Variants in CHL1 observed in about 807,000 individuals in gnomAD.
CHL1 encodes cell adhesion molecule L1 like, also known as neural cell adhesion molecule L1-like protein.
CHL1 carries 96 observed loss-of-function variants against 141.9 expected under a neutral mutation model. The observed-to-expected ratio is 0.68, with a 90% CI of 0.57 to 0.80. The LOEUF (loss-of-function observed/expected upper bound fraction) is 0.80, where lower values mean the gene tolerates loss of function less well. Among genes scored for constraint, CHL1 ranks in the 30% least tolerant of loss-of-function variants. The pLI is 0.00. For synonymous variants in CHL1, 613 were observed against 502.2 expected, an observed-to-expected ratio of 1.22 and a Z score of -2.95; for missense variants, 1,820 against 1,457.2, an observed-to-expected ratio of 1.25 and a Z score of -4.05.
chr3:396,853 G>GA (rs1038596345), intron 24 of CHL1, among the ~76,000 whole-genome samples: 3 of 151,988 alleles, frequency 2.0e-5, no homozygotes, highest in Admixed American at 6.5e-5. Context: ...CATGATCTTT[G>GA]AAAAAAATAT....
At chr3:232,902 C>A (rs1234437047) in intron 1 of CHL1, among the ~76,000 whole-genome samples, 3 of 152,134 alleles carry the variant, frequency 2.0e-5, no homozygotes, top group Non-Finnish European at 4.4e-5. Flanking sequence ...TACTCAAAGA[C>A]CTTTTTATAA....
intron 2 of CHL1, among the ~76,000 whole-genome samples, chr3:301,982 C>G (rs190342652): frequency 1.1e-4 from 16 of 152,110 alleles, no homozygotes; most frequent in Non-Finnish European, 2.4e-4. Context: ...CCCACTTATG[C>G]GTGAGAATAT....
intron 11 of CHL1, among the ~76,000 whole-genome samples, chr3:358,380 T>C (rs1166236634): frequency 6.6e-6 from 1 of 152,178 alleles, no homozygotes; most frequent in Admixed American, 6.6e-5. Context: ...TGTGATTACA[T>C]TGAGCCCACT....
intron 16 of CHL1, among the ~76,000 whole-genome samples, chr3:380,925 C>T (rs1575229933): frequency 6.6e-6 from 1 of 152,110 alleles, no homozygotes; most frequent in Non-Finnish European, 1.5e-5. Flanking sequence ...AAAATATGAC[C>T]CCTATTCTTG....
intron 16 of CHL1, 57 bp downstream of exon 16, chr3:377,999 ATCGT>A (rs1401233857): frequency 6.8e-7 from 1 of 1,473,682 alleles, no homozygotes; most frequent in East Asian, 2.4e-5. Context: ...ATTAAATCCC[ATCGT>A]TCCTGGCCAA....
chr3:398,895 G>A (rs1450079922), intron 25 of CHL1, 122 bp from the exon 26 acceptor site: 5 of 800,326 alleles, frequency 6.2e-6, no homozygotes, highest in Non-Finnish European at 1.0e-5. Flanking sequence ...TTCCTTCTGG[G>A]GTCATTAAAA....
intron 2 of CHL1, among the ~76,000 whole-genome samples, chr3:303,415 T>C (rs1559224468): frequency 6.6e-6 from 1 of 152,194 alleles, no homozygotes; most frequent in African/African-American, 2.4e-5. Flanking sequence ...CTTGTTTCCT[T>C]GAGCAGTGGT....
At chr3:294,826 A>G (rs376227427) in intron 2 of CHL1, among the ~76,000 whole-genome samples, 12 of 152,338 alleles carry the variant, frequency 7.9e-5, no homozygotes, top group South Asian at 4.1e-4. Flanking sequence ...CACCAGTGAG[A>G]ATGCATGGCA....
intron 2 of CHL1, among the ~76,000 whole-genome samples, chr3:283,897 T>A (rs547056152): frequency 5.3e-5 from 8 of 152,354 alleles, no homozygotes; most frequent in Non-Finnish European, 1.2e-4. Flanking sequence ...TCACAGTATG[T>A]ATGATTAAAA....
chr3:407,754 A>G lies in CHL1; in HGVS notation c.*2043A>G, dbSNP rs1253644073. The G allele has an allele frequency of 5.9e-5, 9 of 152,160 alleles. No individual in the cohort carries two copies. The highest frequency in any genetic ancestry group is 5.9e-4 in the Admixed American group (9 of 15,258). 9.4% of individuals were successfully genotyped at this position (152,160 alleles called of 1,614,324 possible). A position where few individuals can be genotyped will look rare whatever the true frequency, so the allele number is the denominator to read the frequency against. On this transcript the variant is annotated 3_prime_UTR_variant, in exon 28 of 28. Transcript: ENST00000256509. Reference sequence around the variant, plus strand: ...TTTTAAAGAGAGTCATGCAGGTTAGAAATAATGTCAAAAATATTTAGGAAT... The same window carrying G: ...TTTTAAAGAGAGTCATGCAGGTTAGGAATAATGTCAAAAATATTTAGGAAT...
chr3:342,470 T>C (rs960602024), intron 7 of CHL1, among the ~76,000 whole-genome samples: 3 of 152,098 alleles, frequency 2.0e-5, no homozygotes, highest in African/African-American at 7.2e-5. Context: ...AGATGGAAAT[T>C]TGTATCACCA....
rs140090602 is a variant in CHL1, at chr3:391,685, G to A, written c.2802G>A (p.Gln934=). The A allele has an allele frequency of 1.9e-6, 3 of 1,603,242 alleles. No homozygotes were observed. Among genetic ancestry groups the A allele is most frequent in the African/African-American group, 2.7e-5 (2 of 74,348 alleles). The change falls in exon 23 of 28, where the codon CAG becomes CAA. Residue 934 remains glutamine (Q), a synonymous_variant. Coordinates refer to ENST00000256509, the MANE Select transcript of CHL1 (RefSeq NM_006614.4). ...IFQTPEGVPE[Q]PTFLKVIKVD... ...TCTTGTGTTTTCTAGTACCTGAACA[G>A]CCAACTTTTCTAAAGGTCATCAAAG... is the stretch of plus-strand genomic sequence containing the variant.
At chr3:375,713 T>G (rs1706229468) in intron 15 of CHL1, among the ~76,000 whole-genome samples, 1 of 152,116 alleles carries the variant, frequency 6.6e-6, no homozygotes, top group Non-Finnish European at 1.5e-5. Context: ...ACTAATCACT[T>G]TATGTGCTTT....
intron 7 of CHL1, 67 bp downstream of exon 7, chr3:342,149 G>C: frequency 7.0e-7 from 1 of 1,422,672 alleles, no homozygotes; most frequent in Admixed American, 1.9e-5. Context: ...ATTTCCTTCT[G>C]GCTGAAGCCA....
intron 9 of CHL1, among the ~76,000 whole-genome samples, chr3:347,283 A>G (rs1702846847): frequency 6.6e-6 from 1 of 152,220 alleles, no homozygotes. Flanking sequence ...CCTGAAAAAA[A>G]TTGAGATTAT....
chr3:328,361 A>T lies in CHL1; in HGVS notation c.385+7A>T, dbSNP rs1341379672. The T allele has an allele frequency of 6.3e-7, 1 of 1,599,290 alleles. No homozygotes were observed. The highest frequency in any genetic ancestry group is 1.7e-5 in the Admixed American group (1 of 57,728). On this transcript the variant is annotated splice_region_variant and intron_variant, in intron 5 of 27. Transcript: ENST00000256509. ...ATAGAATTTATAGTTCCAAGTAAGT[A>T]CTATAACGGGAATTTCATTTTACAA... is the stretch of plus-strand genomic sequence containing the variant.
In CHL1 at chr3:391,073, G is replaced by A. The variant is rs1188788058; in HGVS notation, c.2705G>A (p.Ser902Asn). Residue 902 changes from serine to asparagine, a missense_variant, in exon 22 of 28, where the codon AGT becomes AAT. By Grantham distance (46) the Ser-to-Asn change is conservative (BLOSUM62 1). Coordinates refer to ENST00000256509, the MANE Select transcript of CHL1 (RefSeq NM_006614.4). ...SGMVPSLDAF[S>N]EFHLTVLAYN... Reference sequence around the variant, plus strand: ...ATGGTTCCTTCCTTAGATGCCTTTAGTGAATTTCATTTAACAGTCTTAGCC... The same window carrying A: ...ATGGTTCCTTCCTTAGATGCCTTTAATGAATTTCATTTAACAGTCTTAGCC... 2 of 1,613,936 alleles carry A rather than the reference G, an allele frequency of 1.2e-6. No individual in the cohort carries two copies. Among genetic ancestry groups the A allele is most frequent in the South Asian group, 2.2e-5 (2 of 91,076 alleles).
intron 27 of CHL1, 103 bp from the exon 28 acceptor site, chr3:405,392 T>C (rs1575316812): frequency 2.7e-6 from 2 of 754,390 alleles, no homozygotes; most frequent in Non-Finnish European, 4.3e-6. Flanking sequence ...CTAACACAAA[T>C]GTCCTGAAAA....
chr3:286,567 C>T (rs556226882), intron 2 of CHL1, among the ~76,000 whole-genome samples: 78 of 148,800 alleles, frequency 5.2e-4, no homozygotes, highest in African/African-American at 1.9e-3. Flanking sequence ...GCCGAGATTG[C>T]GCCATTGCAC....
Sources: allele counts gnomAD v4.1 joint callset (sites outside exome capture counted in the v4.1 genomes callset), GRCh38; gene constraint gnomAD v4.1.1; transcripts MANE v1.5; gene names NCBI Gene and HGNC (gene_info 2026-07-23, HGNC 2026-07-21).